Variants in CBFA2T2 observed in about 807,000 individuals in gnomAD.
CBFA2T2 encodes the protein protein CBFA2T2.
CBFA2T2 carries 11 observed loss-of-function variants against 62.2 expected under a neutral mutation model. The observed-to-expected ratio is 0.18, with a 90% CI of 0.11 to 0.29. The LOEUF (loss-of-function observed/expected upper bound fraction) is 0.29. Ranked by LOEUF, CBFA2T2 falls within the 10% of genes least tolerant of loss-of-function variation. The pLI, the probability that CBFA2T2 is intolerant of heterozygous loss-of-function variation, is 1.00. For missense variants in CBFA2T2, 592 were observed against 774.1 expected (o/e 0.76, Z 2.79); for synonymous variants, 295 against 287.5 (o/e 1.03, Z -0.27).
At chr20:33,536,458 G>A (rs1467390239) in intron 1 of CBFA2T2, among the ~76,000 whole-genome samples, 2 of 149,560 alleles carry the variant, frequency 1.3e-5, no homozygotes, top group Admixed American at 1.3e-4. Flanking sequence ...CGGACGGGGC[G>A]GCTGGCCTGG....
At chr20:33,509,289 C>T (rs1039130429) in intron 1 of CBFA2T2, among the ~76,000 whole-genome samples, 1 of 152,004 alleles carries the variant, frequency 6.6e-6, no homozygotes, top group Non-Finnish European at 1.5e-5. Flanking sequence ...AACACTTGAA[C>T]TCTGGAGGTG....
At chr20:33,529,371 T>C (rs901681456) in intron 1 of CBFA2T2, among the ~76,000 whole-genome samples, 2 of 152,154 alleles carry the variant, frequency 1.3e-5, no homozygotes, top group African/African-American at 4.8e-5. Flanking sequence ...ATTCATGTTC[T>C]CCTTTGGTAA....
At chr20:33,617,908 A>G (rs2015770692) in intron 3 of CBFA2T2, among the ~76,000 whole-genome samples, 1 of 152,232 alleles carries the variant, frequency 6.6e-6, no homozygotes, top group Admixed American at 6.5e-5. Context: ...AAAATCCAAC[A>G]TAATTGCACA....
intron 1 of CBFA2T2, among the ~76,000 whole-genome samples, chr20:33,492,089 C>T (rs2011150859): frequency 6.6e-6 from 1 of 152,006 alleles, no homozygotes; most frequent in Non-Finnish European, 1.5e-5. Flanking sequence ...ACCATGTTGG[C>T]CAGGCTGGTC....
At chr20:33,570,246 A>C (rs1393069490) in intron 1 of CBFA2T2, among the ~76,000 whole-genome samples, 1 of 152,212 alleles carries the variant, frequency 6.6e-6, no homozygotes, top group Non-Finnish European at 1.5e-5. Context: ...ATGCCACTGC[A>C]CTCCAGCCTG....
chr20:33,590,680 A>G (rs1346114660), intron 1 of CBFA2T2, among the ~76,000 whole-genome samples: 1 of 151,990 alleles, frequency 6.6e-6, no homozygotes, highest in Non-Finnish European at 1.5e-5. Context: ...AGTCATGGAT[A>G]TTGTCCTGTG....
intron 1 of CBFA2T2, among the ~76,000 whole-genome samples, chr20:33,499,173 A>G (rs1431055759): frequency 6.6e-6 from 1 of 152,216 alleles, no homozygotes; most frequent in Non-Finnish European, 1.5e-5. Context: ...TGCTTAATGA[A>G]TGATTGCAGC....
intron 1 of CBFA2T2, among the ~76,000 whole-genome samples, chr20:33,569,685 A>C (rs761657042): frequency 1.3e-5 from 2 of 152,190 alleles, no homozygotes; most frequent in Non-Finnish European, 2.9e-5. Context: ...TTGCCTGTTG[A>C]GAGTTTAGCA....
intron 1 of CBFA2T2, among the ~76,000 whole-genome samples, chr20:33,581,920 G>A (rs2014135678): frequency 1.3e-5 from 2 of 152,226 alleles, no homozygotes; most frequent in South Asian, 2.1e-4. Context: ...CTCTTCATTA[G>A]TGGAAAGGAA....
chr20:33,606,750 TTAA>T (rs891617182), intron 1 of CBFA2T2, among the ~76,000 whole-genome samples: 17 of 152,284 alleles, frequency 1.1e-4, no homozygotes, highest in Non-Finnish European at 1.9e-4. Flanking sequence ...GATTTTTAAC[TTAA>T]TGATATCTTC....
chr20:33,593,583 G>A (rs1264107419), intron 1 of CBFA2T2, among the ~76,000 whole-genome samples: 1 of 151,758 alleles, frequency 6.6e-6, no homozygotes, highest in African/African-American at 2.4e-5. Context: ...ACTAGAGACG[G>A]GGTTTTGCCA....
chr20:33,581,515 G>A (rs367656107), intron 1 of CBFA2T2, among the ~76,000 whole-genome samples: 10 of 150,964 alleles, frequency 6.6e-5, no homozygotes, highest in East Asian at 5.8e-4. Context: ...TGTGTTTGTC[G>A]TCTTTGTTGT....
Position 33,629,801 on chromosome 20 carries a change from A to T in CBFA2T2, c.1115A>T (p.Glu372Val). The T allele has an allele frequency of 2.5e-6, 4 of 1,614,162 alleles. No individual in the cohort carries two copies. The highest frequency in any genetic ancestry group is 3.4e-6 in the Non-Finnish European group (4 of 1,180,042). The change falls in exon 8 of 11, where the codon GAA becomes GTA. Residue 372 changes from glutamate (E) to valine (V), a missense_variant. Glu to Val is a moderately radical substitution (Grantham distance 121, BLOSUM62 -2). Around this residue, in one of 3 missense-constraint regions of CBFA2T2, gnomAD observed 449 missense variants for 551.2 expected, o/e 0.81. Coordinates refer to ENST00000342704, the MANE Select transcript of CBFA2T2 (RefSeq NM_001032999.3). ...VLRRCQESDR[E>V]ELNYWKRRYN... is the part of the protein sequence containing the mutation. ...CGGCGCTGTCAGGAATCAGATCGTG[A>T]AGAACTCAACTACTGGAAAAGACGG...
At chr20:33,554,600 C>CTTTT (rs752877501) in intron 1 of CBFA2T2, among the ~76,000 whole-genome samples, 53 of 56,256 alleles carry the variant, frequency 9.4e-4, no homozygotes, top group African/African-American at 2.6e-3. Context: ...TTTTTCTTTT[C>CTTTT]TTTTTTTTTT....
chr20:33,639,322 C>T (rs2122385946), intron 9 of CBFA2T2: 1 of 152,490 alleles, frequency 6.6e-6, no homozygotes, highest in Non-Finnish European at 1.5e-5. Flanking sequence ...TGCCTGTAAT[C>T]CCAGCACTTT....
intron 2 of CBFA2T2, among the ~76,000 whole-genome samples, chr20:33,609,195 C>T (rs1281986097): frequency 6.6e-6 from 1 of 151,990 alleles, no homozygotes; most frequent in East Asian, 1.9e-4. Context: ...TAAGGCAACA[C>T]AAATATAGAA....
At chr20:33,502,358 A>G (rs1237348221) in intron 1 of CBFA2T2, among the ~76,000 whole-genome samples, 1 of 151,766 alleles carries the variant, frequency 6.6e-6, no homozygotes, top group Non-Finnish European at 1.5e-5. Flanking sequence ...GCTTTTTTTG[A>G]CACACCAAAA....
At chr20:33,504,296 G>A (rs2011361248) in intron 1 of CBFA2T2, among the ~76,000 whole-genome samples, 1 of 151,196 alleles carries the variant, frequency 6.6e-6, no homozygotes, top group African/African-American at 2.4e-5. Flanking sequence ...TATGAATAAA[G>A]CTTTAAATAT....
In CBFA2T2 at chr20:33,648,241, AAG is replaced by A. The variant is rs1173735062; in HGVS notation, c.*3599_*3600del. 1.3e-5 allele frequency: 2 copies of A among 152,218 alleles called. No homozygotes were observed. Among genetic ancestry groups the A allele is most frequent in the East Asian group, 3.9e-4 (2 of 5,194 alleles). The allele number at this position is 152,218 out of a possible 1,614,324, so 9.4% of individuals were successfully genotyped here. ...GCTCTTCAGAAACCTAGAAACTAAA[AAG>A]AGATGCAACATGTGACTGGCCATCA... is the stretch of plus-strand genomic sequence containing the variant. On this transcript the variant is annotated 3_prime_UTR_variant, in exon 11 of 11. Transcript: ENST00000342704.
Sources: allele counts gnomAD v4.1 joint callset (sites outside exome capture counted in the v4.1 genomes callset), GRCh38; gene constraint gnomAD v4.1.1; regional missense constraint gnomAD v4.1.1; transcripts MANE v1.5; gene names NCBI Gene and HGNC (gene_info 2026-07-23, HGNC 2026-07-21).